ZNF407: variants seen among roughly 807,000 people sequenced by gnomAD.
ZNF407 encodes zinc finger protein 407.
In ZNF407, 17 loss-of-function variants were observed where a neutral mutation model predicts 131.2. That is an observed-to-expected ratio of 0.13 (90% CI 0.09 to 0.19). ZNF407 has a LOEUF of 0.19. Ranked by LOEUF, ZNF407 falls within the 10% of genes least tolerant of loss-of-function variation. The pLI is 1.00. For synonymous variants in ZNF407, 1,156 were observed against 1,062.0 expected (o/e 1.09, Z -1.72); for missense variants, 2,681 against 2,830.6 (o/e 0.95, Z 1.20).
chr18:74,803,937 A>G (rs1224769498), intron 4 of ZNF407: 1 of 1,549,580 alleles, frequency 6.5e-7, no homozygotes, highest in Non-Finnish European at 8.7e-7. Context: ...GAAGCAATTT[A>G]ACAAACTTGA....
chr18:74,678,698 A>C (rs137905082), intron 3 of ZNF407, among the ~76,000 whole-genome samples: 20 of 152,298 alleles, frequency 1.3e-4, no homozygotes, highest in African/African-American at 4.6e-4. Context: ...GGTTGGTCCA[A>C]ATTGCCTCGT....
At chr18:74,645,171 C>T (rs1192272819) in intron 3 of ZNF407, among the ~76,000 whole-genome samples, 2 of 151,898 alleles carry the variant, frequency 1.3e-5, no homozygotes, top group Non-Finnish European at 2.9e-5. Context: ...TGTATAATAG[C>T]AGGAGGTAAG....
intron 1 of ZNF407, among the ~76,000 whole-genome samples, chr18:74,606,865 T>C (rs111809706): frequency 1.3e-5 from 2 of 152,298 alleles, no homozygotes; most frequent in African/African-American, 4.8e-5. Flanking sequence ...CAGAGACTAG[T>C]TGATGAGGAA....
At chr18:74,646,805 G>A (rs542916545) in intron 3 of ZNF407, among the ~76,000 whole-genome samples, 13 of 152,288 alleles carry the variant, frequency 8.5e-5, no homozygotes, top group African/African-American at 3.1e-4. Flanking sequence ...GTGCTGGGGT[G>A]TTAGGACAGC....
intron 8 of ZNF407, among the ~76,000 whole-genome samples, chr18:74,927,772 CA>C (rs1971932678): frequency 1.3e-5 from 2 of 152,016 alleles, no homozygotes; most frequent in African/African-American, 4.8e-5. Context: ...GATTTTTTTG[CA>C]TGTATTTCAA....
chr18:74,927,773 A>G (rs910531922), intron 8 of ZNF407, among the ~76,000 whole-genome samples: 1 of 152,162 alleles, frequency 6.6e-6, no homozygotes, highest in African/African-American at 2.4e-5. Flanking sequence ...ATTTTTTTGC[A>G]TGTATTTCAA....
At chr18:74,768,616 A>G (rs1389403233) in intron 3 of ZNF407, among the ~76,000 whole-genome samples, 1 of 152,174 alleles carries the variant, frequency 6.6e-6, no homozygotes, top group Non-Finnish European at 1.5e-5. Context: ...TTCTTGAAAT[A>G]CCTAGGAATT....
At chr18:74,815,937 C>T (rs911983702) in intron 4 of ZNF407, among the ~76,000 whole-genome samples, 1 of 152,136 alleles carries the variant, frequency 6.6e-6, no homozygotes, top group Non-Finnish European at 1.5e-5. Context: ...CTCCCAATAA[C>T]GTTTTGAGGT....
intron 8 of ZNF407, among the ~76,000 whole-genome samples, chr18:75,033,076 A>T (rs1256163234): frequency 3.4e-5 from 4 of 117,582 alleles, no homozygotes; most frequent in African/African-American, 3.4e-5. Flanking sequence ...TTAGATAACT[A>T]AGAGTGCTCG....
intron 7 of ZNF407, among the ~76,000 whole-genome samples, chr18:74,908,433 T>G (rs1971624665): frequency 6.9e-6 from 1 of 144,576 alleles, no homozygotes; most frequent in Non-Finnish European, 1.5e-5. Context: ...GGACACCATT[T>G]ATTATATAGC....
chr18:74,877,838 TGAG>T (rs1228040466), intron 5 of ZNF407, among the ~76,000 whole-genome samples: 3 of 152,244 alleles, frequency 2.0e-5, no homozygotes, highest in African/African-American at 7.2e-5. Flanking sequence ...ATTTTTCTTC[TGAG>T]GAGGATACTG....
chr18:74,848,367 C>A (rs931396972), intron 4 of ZNF407, among the ~76,000 whole-genome samples: 1 of 151,980 alleles, frequency 6.6e-6, no homozygotes, highest in African/African-American at 2.4e-5. Context: ...GGAATTGAAA[C>A]AATAAAACCG....
At chr18:74,959,738 G>C (rs1972317315) in intron 8 of ZNF407, among the ~76,000 whole-genome samples, 1 of 152,182 alleles carries the variant, frequency 6.6e-6, no homozygotes, top group South Asian at 2.1e-4. Flanking sequence ...GCACAAATCT[G>C]ATAAATTATG....
intron 3 of ZNF407, among the ~76,000 whole-genome samples, chr18:74,694,012 A>G (rs568240962): frequency 9.2e-5 from 14 of 152,160 alleles, no homozygotes; most frequent in Admixed American, 3.3e-4. Flanking sequence ...CTCTAAATTT[A>G]TTTCAGTTGA....
chr18:74,682,920 A>C (rs545689976), intron 3 of ZNF407, among the ~76,000 whole-genome samples: 2 of 152,108 alleles, frequency 1.3e-5, no homozygotes, highest in Non-Finnish European at 2.9e-5. Context: ...CTTTCTGTGC[A>C]TGTATGCACA....
At chr18:75,024,952 A>T (rs538523973) in intron 8 of ZNF407, among the ~76,000 whole-genome samples, 5 of 152,318 alleles carry the variant, frequency 3.3e-5, no homozygotes, top group African/African-American at 9.6e-5. Flanking sequence ...CCATCTGATC[A>T]TTTAAAAAAA....
At chr18:74,755,582 G>GTTTTTT (rs541126314) in intron 3 of ZNF407, among the ~76,000 whole-genome samples, 21 of 87,354 alleles carry the variant, frequency 2.4e-4, no homozygotes, top group African/African-American at 1.0e-3. Context: ...CTCCTTTCTG[G>GTTTTTT]TTTTTTTTTT....
At chr18:74,649,234 T>C (rs1461681306) in intron 3 of ZNF407, among the ~76,000 whole-genome samples, 2 of 152,226 alleles carry the variant, frequency 1.3e-5, no homozygotes, top group Non-Finnish European at 2.9e-5. Context: ...TGGTTGTTTT[T>C]GAAGGACCAA....
chr18:74,989,158 T>C (rs1450000387), intron 8 of ZNF407, among the ~76,000 whole-genome samples: 1 of 152,194 alleles, frequency 6.6e-6, no homozygotes, highest in Non-Finnish European at 1.5e-5. Context: ...ACTAACAACA[T>C]GGATGCGCCT....
Sources: allele counts gnomAD v4.1 joint callset (sites outside exome capture counted in the v4.1 genomes callset), GRCh38; gene constraint gnomAD v4.1.1; transcripts MANE v1.5; gene names NCBI Gene and HGNC (gene_info 2026-07-23, HGNC 2026-07-21).